RNF216: variants seen among roughly 807,000 people sequenced by gnomAD.
The protein encoded by RNF216 is E3 ubiquitin-protein ligase RNF216.
In RNF216, 72 loss-of-function variants were observed where a neutral mutation model predicts 110.8. The ratio of observed to expected loss-of-function variants is 0.65; its 90% CI spans 0.54 to 0.79. The LOEUF (loss-of-function observed/expected upper bound fraction) is 0.79, where lower values mean the gene tolerates loss of function less well. Ranked by LOEUF, RNF216 falls within the 30% of genes least tolerant of loss-of-function variation. The pLI is 0.00. For missense variants in RNF216, 1,342 were observed against 1,141.2 expected (o/e 1.18, Z -2.54); for synonymous variants, 495 against 407.5 (o/e 1.21, Z -2.59).
intron 13 of RNF216, among the ~76,000 whole-genome samples, chr7:5,675,265 C>T (rs1267838768): frequency 1.3e-5 from 2 of 152,304 alleles, no homozygotes; most frequent in South Asian, 2.1e-4. Flanking sequence ...TCTGCACACA[C>T]GCTAGGTTCT....
chr7:5,660,124 T>C (rs1789009821), intron 13 of RNF216, among the ~76,000 whole-genome samples: 1 of 151,872 alleles, frequency 6.6e-6, no homozygotes, highest in East Asian at 1.9e-4. Context: ...CTAAATTTTG[T>C]TATTTTATTT....
rs548698199 is a variant in RNF216 at position 5,655,329 on chromosome 7, C to T, written c.2062-2819G>A. 3.9e-4 allele frequency among the ~76,000 whole-genome samples: 60 copies of T among 152,274 alleles called. 1 individual carries two copies. The South Asian group carries it at 6.8e-3, about 17-fold the overall frequency. On this transcript the variant is annotated intron_variant, in intron 13 of 16. Coordinates refer to ENST00000389902, the MANE Select transcript of RNF216 (RefSeq NM_207111.4). ...AGGGTCCCGGAGAACATATCTGAAACGTCTTTTGAAAAGACTGTAGCACTT... is the reference window on the plus strand; with the variant it reads ...AGGGTCCCGGAGAACATATCTGAAATGTCTTTTGAAAAGACTGTAGCACTT...
intron 14 of RNF216, among the ~76,000 whole-genome samples, chr7:5,646,068 C>T (rs1163794165): frequency 6.6e-6 from 1 of 152,066 alleles, no homozygotes; most frequent in Non-Finnish European, 1.5e-5. Context: ...CTACTTTTTT[C>T]CCTGTGAATG....
Position 5,729,582 on chromosome 7 carries a change from G to A in RNF216, c.1239C>T (p.Asp413=). The A allele has an allele frequency of 1.2e-6, 2 of 1,614,012 alleles. No homozygotes were observed. Among genetic ancestry groups the A allele is most frequent in the Non-Finnish European group, 1.7e-6 (2 of 1,179,910 alleles). The part of the protein sequence containing the change: ...SQDETKLPKI[D]FFDYSKLTPL... ...GGGTCAATTTAGAATAGTCAAAAAA[G>A]TCTATTTTAGGCAACTGAAATGAGA... Residue 413 remains aspartate, a synonymous_variant, in exon 7 of 17, where the codon GAC becomes GAT. Transcript: ENST00000389902.
intron 5 of RNF216, among the ~76,000 whole-genome samples, chr7:5,731,611 G>A (rs1794095674): frequency 6.6e-6 from 1 of 151,462 alleles, no homozygotes. Context: ...GACAGAGTGG[G>A]TGGGGTACAG....
intron 13 of RNF216, among the ~76,000 whole-genome samples, chr7:5,668,768 T>C (rs1584415070): frequency 6.6e-6 from 1 of 152,232 alleles, no homozygotes; most frequent in Non-Finnish European, 1.5e-5. Flanking sequence ...GGGTCTGCTG[T>C]TGCCTGCCCT....
At chr7:5,698,178 A>G (rs908326471) in intron 13 of RNF216, among the ~76,000 whole-genome samples, 2 of 152,212 alleles carry the variant, frequency 1.3e-5, no homozygotes, top group Admixed American at 6.5e-5. Flanking sequence ...TCGGTTTTCT[A>G]GAAATCAGTG....
At chr7:5,669,220 A>C (rs1789739669) in intron 13 of RNF216, among the ~76,000 whole-genome samples, 1 of 152,190 alleles carries the variant, frequency 6.6e-6, no homozygotes, top group South Asian at 2.1e-4. Context: ...TGCATCTGAC[A>C]AGATCTCTGA....
At chr7:5,673,120 A>G (rs1388516594) in intron 13 of RNF216, among the ~76,000 whole-genome samples, 1 of 152,022 alleles carries the variant, frequency 6.6e-6, no homozygotes, top group East Asian at 1.9e-4. Context: ...ACCTCCGGAG[A>G]CCAATGTGTC....
At position 5,712,788 on chromosome 7, in the gene RNF216, T is replaced by A. The variant is rs761744052; in HGVS notation, c.1909A>T (p.Thr637Ser). The A allele has an allele frequency of 6.2e-7, 1 of 1,614,060 alleles. No individual in the cohort carries two copies. Among genetic ancestry groups the A allele is most frequent in the Non-Finnish European group, 8.5e-7 (1 of 1,180,016 alleles). ...TSELEKVLPQ[T>S]ILYKYYERKA... ...CGCTCATAGTACTTATACAGGATGG[T>A]CTGGGGGAGCACCTTCTCCAGCTCA... The change falls in exon 12 of 17, where the codon ACC becomes TCC. Residue 637 changes from threonine to serine, a missense_variant. Transcript: ENST00000389902.
chr7:5,764,006 T>A (rs1796069944), intron 1 of RNF216, among the ~76,000 whole-genome samples: 1 of 151,914 alleles, frequency 6.6e-6, no homozygotes. Context: ...CTGGCCAACA[T>A]GGGCGAAACC....
intron 3 of RNF216, among the ~76,000 whole-genome samples, chr7:5,746,374 A>C (rs1450292756): frequency 6.6e-6 from 1 of 152,132 alleles, no homozygotes; most frequent in East Asian, 1.9e-4. Flanking sequence ...TTACGGCTTG[A>C]GTCAAGCCCC....
Position 5,657,841 on chromosome 7 carries a change from T to C in RNF216, c.2062-5331A>G, listed in dbSNP as rs145918553. On this transcript the variant is annotated intron_variant, in intron 13 of 16. Coordinates refer to ENST00000389902, the MANE Select transcript of RNF216 (RefSeq NM_207111.4). ...TGCAACCCCTGAGAATCAATAAAGTTCAGCAAAGTCAAAGCTCAGGTAGAT... is the reference window on the plus strand; with the variant it reads ...TGCAACCCCTGAGAATCAATAAAGTCCAGCAAAGTCAAAGCTCAGGTAGAT... Among the ~76,000 whole-genome samples, 862 of 152,300 alleles carry C rather than the reference T, an allele frequency of 5.7e-3. 11 individuals carry two copies. Among genetic ancestry groups the C allele is most frequent in the Admixed American group, 0.035 (542 of 15,300 alleles).
At chr7:5,655,813 C>G (rs1788704520) in intron 13 of RNF216, among the ~76,000 whole-genome samples, 1 of 152,182 alleles carries the variant, frequency 6.6e-6, no homozygotes, top group African/African-American at 2.4e-5. Context: ...CTAGGCTTTG[C>G]TCCTAAACTC....
Position 5,730,808 on chromosome 7 carries a change from A to G in RNF216, c.1131T>C (p.Asn377=), listed in dbSNP as rs1379240942. 1.3e-6 allele frequency: 2 copies of G among 1,587,600 alleles called. No individual in the cohort carries two copies. The highest frequency in any genetic ancestry group is 2.7e-5 in the African/African-American group (2 of 73,086). The change falls in exon 6 of 17, where the codon AAT becomes AAC. Residue 377 remains asparagine, a synonymous_variant. Transcript: ENST00000389902. ...GATAATCTGGGTTTTCCAGAAGAAA[A>G]TTACAAAGTCTGCAGAAACAAATGA... ...KNYYDLNVLC[N]FLLENPDYPK... is the part of the protein sequence containing the mutation.
At chr7:5,713,828 C>T (rs1792873233) in intron 11 of RNF216, among the ~76,000 whole-genome samples, 1 of 152,222 alleles carries the variant, frequency 6.6e-6, no homozygotes, top group African/African-American at 2.4e-5. Context: ...TTAAACTCAT[C>T]ACCTCATTTA....
Position 5,623,176 on chromosome 7 carries a change from T to C in RNF216, c.2456A>G (p.Asn819Ser). Residue 819 changes from asparagine to serine, a missense_variant, in exon 17 of 17, where the codon AAC becomes AGC. By Grantham distance (46) the Asn-to-Ser change is conservative. Coordinates refer to ENST00000389902, the MANE Select transcript of RNF216 (RefSeq NM_207111.4). ...EEEQKRKNGENTFKRIGPPLE... is the reference protein window; with the variant it reads ...EEEQKRKNGESTFKRIGPPLE... ...CGGGGGTCCAATGCGTTTGAAGGTG[T>C]TCTCTGAAAGGGATGTGGGGATTAG... is the stretch of plus-strand genomic sequence containing the variant. 1 of 1,549,830 alleles carries C rather than the reference T, an allele frequency of 6.5e-7. No individual in the cohort carries two copies. The highest frequency in any genetic ancestry group is 1.7e-4 in the Middle Eastern group (1 of 5,744).
chr7:5,659,410 C>G (rs1788957317), intron 13 of RNF216, among the ~76,000 whole-genome samples: 1 of 152,084 alleles, frequency 6.6e-6, no homozygotes, highest in Non-Finnish European at 1.5e-5. Flanking sequence ...GAGGGAAGAG[C>G]AAGGGTGAAG....
intron 14 of RNF216, among the ~76,000 whole-genome samples, chr7:5,645,146 T>C (rs530382163): frequency 6.6e-5 from 10 of 152,304 alleles, no homozygotes; most frequent in African/African-American, 2.4e-4. Context: ...GGCTGTTCTC[T>C]TACTGCTTTC....
Sources: gnomAD v4.1 joint callset for allele counts (sites outside exome capture counted in the v4.1 genomes callset) on GRCh38, gnomAD v4.1.1 for gene constraint, MANE v1.5 for transcripts, NCBI Gene and HGNC (gene_info 2026-07-23, HGNC 2026-07-21) for gene names.